Variants in SNX24 observed in about 807,000 individuals in gnomAD.
SNX24 encodes sorting nexin-24.
A neutral mutation model predicts 28.7 loss-of-function variants in SNX24; 22 were observed. That is an observed-to-expected ratio of 0.77 (90% CI 0.55 to 1.10). The LOEUF is 1.10. SNX24 is among the 50% of genes least tolerant of loss of function. The pLI is 0.00. For missense variants in SNX24, 221 were observed against 201.1 expected (o/e 1.10, Z -0.60); for synonymous variants, 69 against 71.5 (o/e 0.96, Z 0.18).
chr5:122,894,926 C>T (rs1333224134), intron 1 of SNX24, among the ~76,000 whole-genome samples: 2 of 151,438 alleles, frequency 1.3e-5, no homozygotes, highest in Non-Finnish European at 2.9e-5. Context: ...ATTAAATACT[C>T]CTCAGTAAAT....
chr5:122,990,382 C>T lies in SNX24; in HGVS notation c.250-9530C>T, dbSNP rs376400153. Among the ~76,000 whole-genome samples, 3 of 152,264 alleles carry T rather than the reference C, an allele frequency of 2.0e-5. No homozygotes were observed. In the East Asian group the frequency reaches 5.8e-4, roughly 29 times the overall value. ...AAAAAAATGATGTTAGCCTAGTATACTATGTCTAAACTATAGTACAGTAAG... is the reference window on the plus strand; with the variant it reads ...AAAAAAATGATGTTAGCCTAGTATATTATGTCTAAACTATAGTACAGTAAG... On this transcript the variant is annotated intron_variant, in intron 3 of 6. Coordinates refer to ENST00000261369, the MANE Select transcript of SNX24 (RefSeq NM_014035.4).
downstream of SNX24, chr5:123,009,278 CAT>C (rs1272096265): frequency 6.1e-5 from 55 of 907,842 alleles, no homozygotes; most frequent in Admixed American, 1.2e-4. Flanking sequence ...CACACACACA[CAT>C]ATGTGCACAC....
chr5:122,966,315 A>G (rs1460687157), intron 3 of SNX24, among the ~76,000 whole-genome samples: 2 of 152,208 alleles, frequency 1.3e-5, no homozygotes, highest in African/African-American at 2.4e-5. Context: ...CATGTGCACA[A>G]CGTGTAGGTT....
intron 3 of SNX24, among the ~76,000 whole-genome samples, chr5:122,957,826 G>A (rs1358030170): frequency 6.6e-6 from 1 of 152,004 alleles, no homozygotes; most frequent in Non-Finnish European, 1.5e-5. Flanking sequence ...TTTTTGGATT[G>A]TTTATTGTTA....
At chr5:122,933,685 C>T (rs536592301) in intron 1 of SNX24, among the ~76,000 whole-genome samples, 45 of 152,220 alleles carry the variant, frequency 3.0e-4, no homozygotes, top group Middle Eastern at 3.4e-3. Context: ...TCTATCTTGG[C>T]CAGAAGAGAC....
chr5:123,013,467 A>G (rs1477043125), downstream of SNX24, among the ~76,000 whole-genome samples: 1 of 152,232 alleles, frequency 6.6e-6, no homozygotes, highest in African/African-American at 2.4e-5. Flanking sequence ...AACACAGGGA[A>G]GTAGCAGGCA....
intron 1 of SNX24, among the ~76,000 whole-genome samples, chr5:122,895,436 C>T (rs953047905): frequency 1.3e-5 from 2 of 152,178 alleles, no homozygotes; most frequent in Non-Finnish European, 2.9e-5. Context: ...GTCAGCCCCC[C>T]TGAGATAATC....
At chr5:122,921,981 TTCTC>T (rs1258747060) in intron 1 of SNX24, among the ~76,000 whole-genome samples, 1 of 151,966 alleles carries the variant, frequency 6.6e-6, no homozygotes, top group African/African-American at 2.4e-5. Context: ...AATGTCCTTT[TTCTC>T]TCTCTCTCTT....
chr5:122,883,543 CT>C (rs1161247276), intron 1 of SNX24, among the ~76,000 whole-genome samples: 2 of 152,140 alleles, frequency 1.3e-5, no homozygotes, highest in Non-Finnish European at 2.9e-5. Context: ...CTATGAACTT[CT>C]ATTAATGTCT....
At chr5:123,003,257 C>T (rs1369208685) in intron 6 of SNX24, among the ~76,000 whole-genome samples, 3 of 152,092 alleles carry the variant, frequency 2.0e-5, no homozygotes, top group Non-Finnish European at 2.9e-5. Context: ...AGTAGCACCC[C>T]GATCAGAGTG....
chr5:123,002,204 C>T (rs1762270882), intron 6 of SNX24, 200 bp downstream of exon 6: 5 of 588,198 alleles, frequency 8.5e-6, no homozygotes, highest in Non-Finnish European at 1.2e-5. Context: ...ATTTTTCTTT[C>T]TCTCTTACCA....
intron 1 of SNX24, among the ~76,000 whole-genome samples, chr5:122,869,829 A>C (rs1242719348): frequency 6.6e-6 from 1 of 152,042 alleles, no homozygotes; most frequent in African/African-American, 2.4e-5. Context: ...TGAAAAAAGC[A>C]GTAATGGACT....
chr5:122,961,457 A>C (rs1760485240), intron 3 of SNX24, among the ~76,000 whole-genome samples: 1 of 152,196 alleles, frequency 6.6e-6, no homozygotes, highest in Non-Finnish European at 1.5e-5. Flanking sequence ...CCTGCTTATA[A>C]CATGAGACAA....
At chr5:122,876,237 A>G (rs539689921) in intron 1 of SNX24, among the ~76,000 whole-genome samples, 1 of 152,328 alleles carries the variant, frequency 6.6e-6, no homozygotes, top group South Asian at 2.1e-4. Context: ...GAAAGTGTAT[A>G]TATTTTACAA....
At chr5:123,024,463 G>C (rs6862366) in intron 5 of SNX24, among the ~76,000 whole-genome samples, 35,192 of 152,078 alleles carry the variant, frequency 0.23, 5,206 homozygotes, top group Non-Finnish European at 0.34. Context: ...CTAGTTCTAG[G>C]TTTGTCCATT....
At chr5:122,868,563 C>T (rs963021143) in intron 1 of SNX24, among the ~76,000 whole-genome samples, 11 of 152,122 alleles carry the variant, frequency 7.2e-5, no homozygotes, top group South Asian at 2.1e-4. Context: ...ACTTCAGGCA[C>T]CATTGGATCT....
At chr5:123,012,798 A>G (rs1180453773), downstream of SNX24, among the ~76,000 whole-genome samples, 1 of 152,192 alleles carries the variant, frequency 6.6e-6, no homozygotes, top group Non-Finnish European at 1.5e-5. Flanking sequence ...CTAGTCTCAC[A>G]TCCCTGGCAA....
rs986888364 is a variant in SNX24 at position 122,945,679 on chromosome 5, C to G, written c.145-376C>G. ...TTTATATGAAAAACATGTAGAAAGA[C>G]TTCTTATCAGCAAAGTCCTTCATCC... On this transcript the variant is annotated intron_variant, in intron 2 of 6. Transcript: ENST00000261369. Among the ~76,000 whole-genome samples the G allele has an allele frequency of 5.9e-5, 9 of 152,262 alleles. No homozygotes were observed. In the South Asian group the frequency reaches 1.9e-3, roughly 32 times the overall value.
At chr5:122,938,184 C>T (rs1439966667) in intron 2 of SNX24, among the ~76,000 whole-genome samples, 2 of 152,102 alleles carry the variant, frequency 1.3e-5, no homozygotes, top group South Asian at 2.1e-4. Context: ...GCCCAGAGCA[C>T]GAGGCTGCCC....
Sources: gnomAD v4.1 joint callset for allele counts (sites outside exome capture counted in the v4.1 genomes callset) on GRCh38, gnomAD v4.1.1 for gene constraint, MANE v1.5 for transcripts, NCBI Gene and HGNC (gene_info 2026-07-23, HGNC 2026-07-21) for gene names.